The following ST6GAL1 variants were observed in gnomAD, a reference collection of about 807,000 sequenced individuals.
ST6GAL1 encodes the protein ST6 beta-galactoside alpha-2,6-sialyltransferase 1.
ST6GAL1 carries 20 observed loss-of-function variants against 38.0 expected under a neutral mutation model. That is an observed-to-expected ratio of 0.53 (90% CI 0.37 to 0.77). The LOEUF is 0.77. ST6GAL1 is among the 30% of genes least tolerant of loss of function. ST6GAL1 has a pLI of 0.00. For synonymous variants in ST6GAL1, 196 were observed against 188.2 expected, an observed-to-expected ratio of 1.04 and a Z score of -0.34; for missense variants, 432 against 496.4, an observed-to-expected ratio of 0.87 and a Z score of 1.23.
chr3:187,027,051 A>G (rs1717564090), intron 2 of ST6GAL1, among the ~76,000 whole-genome samples: 1 of 152,000 alleles, frequency 6.6e-6, no homozygotes, highest in South Asian at 2.1e-4. Context: ...TCTGTCTCCA[A>G]AAAAATAAAT....
intron 5 of ST6GAL1, among the ~76,000 whole-genome samples, chr3:187,058,024 G>T (rs1270477881): frequency 6.6e-6 from 1 of 152,212 alleles, no homozygotes; most frequent in Non-Finnish European, 1.5e-5. Flanking sequence ...CCCCCGCCAG[G>T]CTGCTGTCTT....
intron 2 of ST6GAL1, among the ~76,000 whole-genome samples, chr3:186,966,595 A>G (rs1022804388): frequency 2.6e-5 from 4 of 152,230 alleles, no homozygotes; most frequent in Admixed American, 1.3e-4. Flanking sequence ...CTCTGTGAAC[A>G]GCTGCAGCTC....
chr3:186,985,218 C>A lies in ST6GAL1; in HGVS notation c.-183+21292C>A, dbSNP rs374367933. Reference sequence around the variant, plus strand: ...GCCACTGAGCCTGGCCCTATCCCCCCTTTCTTGTACTCTACTTTGTTCTCT... The same window carrying A: ...GCCACTGAGCCTGGCCCTATCCCCCATTTCTTGTACTCTACTTTGTTCTCT... On this transcript the variant is annotated intron_variant, in intron 2 of 7. Coordinates refer to ENST00000169298, the MANE Select transcript of ST6GAL1 (RefSeq NM_173216.2). Among the ~76,000 whole-genome samples, 9 of 152,132 alleles carry A rather than the reference C, an allele frequency of 5.9e-5. No individual in the cohort carries two copies. The South Asian group carries it at 1.7e-3, about 28-fold the overall frequency.
At chr3:187,029,155 A>G (rs1025897799) in intron 2 of ST6GAL1, among the ~76,000 whole-genome samples, 1 of 151,312 alleles carries the variant, frequency 6.6e-6, no homozygotes, top group African/African-American at 2.4e-5. Flanking sequence ...CACTATCTAG[A>G]TGTCTCACTG....
At chr3:186,931,002 C>T (rs939828015) in intron 1 of ST6GAL1, 168 bp downstream of exon 1, 1 of 152,844 alleles carries the variant, frequency 6.5e-6, no homozygotes. Flanking sequence ...GGGCTGGCCG[C>T]CTTTTGGTTG....
In ST6GAL1 at chr3:187,056,542, A is replaced by G. The variant is rs144390775; in HGVS notation, c.705+5196A>G. 6.4e-3 allele frequency among the ~76,000 whole-genome samples: 967 copies of G among 152,226 alleles called. 12 individuals are homozygous for G. Among genetic ancestry groups the G allele is most frequent in the South Asian group, 0.045 (215 of 4,820 alleles). Reference sequence around the variant, plus strand: ...CATTTGCTTGTCTGTAAAGGATTTTATTTCTCCTTCACATATGAAGGTTAG... The same window carrying G: ...CATTTGCTTGTCTGTAAAGGATTTTGTTTCTCCTTCACATATGAAGGTTAG... On this transcript the variant is annotated intron_variant, in intron 5 of 7. Transcript: ENST00000169298.
chr3:187,052,047 C>A (rs1198420215), intron 5 of ST6GAL1, among the ~76,000 whole-genome samples: 1 of 152,150 alleles, frequency 6.6e-6, no homozygotes, highest in Non-Finnish European at 1.5e-5. Flanking sequence ...AACATATGTG[C>A]TCTGGGGGTT....
intron 2 of ST6GAL1, among the ~76,000 whole-genome samples, chr3:186,992,107 AGTACAT>A (rs1398243102): frequency 3.3e-5 from 5 of 152,180 alleles, no homozygotes; most frequent in African/African-American, 1.2e-4. Context: ...TTCTAAATGT[AGTACAT>A]GACCATTGAT....
intron 2 of ST6GAL1, among the ~76,000 whole-genome samples, chr3:187,032,755 G>T (rs77920683): frequency 6.6e-6 from 1 of 152,114 alleles, no homozygotes; most frequent in African/African-American, 2.4e-5. Context: ...CCAGAAAACC[G>T]TCCTTCTTTG....
At chr3:187,009,456 A>G (rs914023896) in intron 2 of ST6GAL1, among the ~76,000 whole-genome samples, 3 of 152,080 alleles carry the variant, frequency 2.0e-5, no homozygotes, top group Non-Finnish European at 2.9e-5. Flanking sequence ...ATAGTTTTCT[A>G]TGAGTGCAAT....
chr3:186,941,886 G>C (rs1234927924), intron 1 of ST6GAL1, among the ~76,000 whole-genome samples: 1 of 151,912 alleles, frequency 6.6e-6, no homozygotes, highest in East Asian at 1.9e-4. Flanking sequence ...GTTGTGGGTG[G>C]CTGTAGTCCC....
At chr3:186,940,298 T>TA (rs1714120193) in intron 1 of ST6GAL1, among the ~76,000 whole-genome samples, 1 of 147,958 alleles carries the variant, frequency 6.8e-6, no homozygotes, top group Non-Finnish European at 1.5e-5. Flanking sequence ...GTTTTTTTTT[T>TA]AGAGTATTCA....
At chr3:187,049,576 C>T (rs1045891610) in intron 4 of ST6GAL1, among the ~76,000 whole-genome samples, 1 of 152,192 alleles carries the variant, frequency 6.6e-6, no homozygotes, top group South Asian at 2.1e-4. Flanking sequence ...TCAGGGTCTC[C>T]GCTCATCAGG....
intron 2 of ST6GAL1, among the ~76,000 whole-genome samples, chr3:187,021,111 ATG>A (rs1560165245): frequency 2.0e-5 from 3 of 151,440 alleles, no homozygotes; most frequent in East Asian, 2.0e-4. Flanking sequence ...TTACAGGAGC[ATG>A]CCACCACGCC....
intron 2 of ST6GAL1, among the ~76,000 whole-genome samples, chr3:187,016,341 A>G (rs1371216943): frequency 6.6e-6 from 1 of 152,128 alleles, no homozygotes; most frequent in Non-Finnish European, 1.5e-5. Flanking sequence ...TATTTTTCTG[A>G]CTGGAAAAAT....
chr3:187,020,158 G>A lies in ST6GAL1; in HGVS notation c.-182-18584G>A, dbSNP rs534577524. ...CTAAAAATACAAAAATTAGCCGGGC[G>A]TGGTGGCGGGTGCCTGTAATCCCAG... is the stretch of plus-strand genomic sequence containing the variant. On this transcript the variant is annotated intron_variant, in intron 2 of 7. Transcript: ENST00000169298. Among the ~76,000 whole-genome samples, 6 of 152,206 alleles carry A rather than the reference G, an allele frequency of 3.9e-5. No individual in the cohort carries two copies. The South Asian group carries it at 1.2e-3, about 32-fold the overall frequency.
intron 1 of ST6GAL1, among the ~76,000 whole-genome samples, chr3:186,938,550 T>C (rs546017633): frequency 4.1e-4 from 62 of 152,324 alleles, no homozygotes; most frequent in African/African-American, 1.4e-3. Flanking sequence ...CTCCTGATAT[T>C]TTTTCTTACC....
intron 1 of ST6GAL1, among the ~76,000 whole-genome samples, chr3:186,950,969 C>T (rs1435681136): frequency 6.6e-6 from 1 of 152,216 alleles, no homozygotes; most frequent in African/African-American, 2.4e-5. Context: ...TCATTTAGCC[C>T]TGGCTAAATC....
At chr3:186,959,756 T>G (rs1383107148) in intron 1 of ST6GAL1, among the ~76,000 whole-genome samples, 1 of 152,236 alleles carries the variant, frequency 6.6e-6, no homozygotes, top group Admixed American at 6.5e-5. Context: ...AGCAGATTTG[T>G]GGAGACCCAG....
Sources: gnomAD v4.1 joint callset for allele counts (sites outside exome capture counted in the v4.1 genomes callset) on GRCh38, gnomAD v4.1.1 for gene constraint, MANE v1.5 for transcripts, NCBI Gene and HGNC (gene_info 2026-07-23, HGNC 2026-07-21) for gene names.